Variants in KCNN3 observed in about 807,000 individuals in gnomAD.
KCNN3 encodes potassium calcium-activated channel subfamily N member 3, also known as small conductance calcium-activated potassium channel protein 3.
Under a neutral mutation model 62.9 loss-of-function variants are expected in KCNN3, and 16 were observed. The ratio of observed to expected loss-of-function variants is 0.25; its 90% CI spans 0.17 to 0.39. The LOEUF (loss-of-function observed/expected upper bound fraction) is 0.39. Among genes scored for constraint, KCNN3 ranks in the 10% least tolerant of loss-of-function variants. The probability of loss-of-function intolerance (pLI) is 1.00; values close to 1 mark genes in which losing one functional copy is unlikely to be tolerated. For missense variants in KCNN3, 599 were observed against 949.4 expected (o/e 0.63, Z 4.85); for synonymous variants, 370 against 389.2 (o/e 0.95, Z 0.58).
intron 5 of KCNN3, among the ~76,000 whole-genome samples, chr1:154,724,792 G>GA (rs1230926490): frequency 2.6e-5 from 4 of 151,798 alleles, no homozygotes; most frequent in Non-Finnish European, 4.4e-5. Flanking sequence ...ACCCAAAAGG[G>GA]AAAAATTGGA....
intron 2 of KCNN3, among the ~76,000 whole-genome samples, chr1:154,820,744 A>G (rs933983255): frequency 6.6e-6 from 1 of 152,250 alleles, no homozygotes; most frequent in African/African-American, 2.4e-5. Context: ...TGGCACAGGC[A>G]CAGCCCCTGT....
At chr1:154,780,959 C>G (rs554285239) in intron 2 of KCNN3, among the ~76,000 whole-genome samples, 6 of 152,160 alleles carry the variant, frequency 3.9e-5, no homozygotes, top group African/African-American at 1.4e-4. Context: ...TTGGGGTCCA[C>G]GCTACCCCGC....
intron 5 of KCNN3, among the ~76,000 whole-genome samples, chr1:154,718,353 T>C (rs1333574933): frequency 6.6e-6 from 1 of 152,238 alleles, no homozygotes; most frequent in Non-Finnish European, 1.5e-5. Flanking sequence ...CTAAGATTAA[T>C]GGGCCTGGGC....
At chr1:154,766,803 C>T (rs1032838970) in intron 3 of KCNN3, among the ~76,000 whole-genome samples, 1 of 150,302 alleles carries the variant, frequency 6.7e-6, no homozygotes, top group Non-Finnish European at 1.5e-5. Context: ...TCCCAGCCTC[C>T]CGAGTAGCTG....
At chr1:154,718,411 A>G (rs570276383) in intron 5 of KCNN3, among the ~76,000 whole-genome samples, 2 of 152,372 alleles carry the variant, frequency 1.3e-5, no homozygotes, top group Non-Finnish European at 2.9e-5. Flanking sequence ...GACAGCTAAC[A>G]TATACTGAGT....
At chr1:154,762,119 C>A (rs1238848455) in intron 3 of KCNN3, among the ~76,000 whole-genome samples, 1 of 152,098 alleles carries the variant, frequency 6.6e-6, no homozygotes, top group Non-Finnish European at 1.5e-5. Context: ...ATAAACTGCA[C>A]CATGCAGAAG....
At chr1:154,818,518 C>A (rs755285993) in intron 2 of KCNN3, among the ~76,000 whole-genome samples, 4 of 152,174 alleles carry the variant, frequency 2.6e-5, no homozygotes, top group Non-Finnish European at 5.9e-5. Context: ...GAGATGGGGC[C>A]TTTCAGAGAT....
chr1:154,732,888 T>A, intron 4 of KCNN3, 115 bp downstream of exon 4: 1 of 1,127,534 alleles, frequency 8.9e-7, no homozygotes, highest in East Asian at 2.3e-5. Flanking sequence ...GCAGGTCGGT[T>A]AACTAACAGC....
chr1:154,768,508 C>T (rs1284629130), intron 3 of KCNN3, among the ~76,000 whole-genome samples: 2 of 152,164 alleles, frequency 1.3e-5, no homozygotes, highest in Non-Finnish European at 2.9e-5. Flanking sequence ...GAGGAAGTTC[C>T]CGGATGCAGT....
chr1:154,848,815 A>C (rs1187051394), intron 1 of KCNN3, among the ~76,000 whole-genome samples: 1 of 152,146 alleles, frequency 6.6e-6, no homozygotes, highest in Non-Finnish European at 1.5e-5. Context: ...GCAGGCCCTT[A>C]ACGGGATGCA....
intron 1 of KCNN3, among the ~76,000 whole-genome samples, chr1:154,850,088 C>T (rs919357660): frequency 2.0e-5 from 3 of 152,152 alleles, no homozygotes; most frequent in African/African-American, 7.2e-5. Flanking sequence ...GCCAGGCATC[C>T]GCAGCCCATA....
chr1:154,721,454 C>A (rs958405297), intron 5 of KCNN3, among the ~76,000 whole-genome samples: 1 of 152,024 alleles, frequency 6.6e-6, no homozygotes, highest in East Asian at 1.9e-4. Flanking sequence ...CACCCACCAC[C>A]ATGCCCGGCT....
chr1:154,828,540 CA>C (rs1651239676), intron 1 of KCNN3, among the ~76,000 whole-genome samples: 1 of 152,058 alleles, frequency 6.6e-6, no homozygotes, highest in South Asian at 2.1e-4. Context: ...GATTTGAAAC[CA>C]AAAGGCCAGA....
At chr1:154,787,875 T>G (rs1192737660) in intron 2 of KCNN3, among the ~76,000 whole-genome samples, 1 of 152,164 alleles carries the variant, frequency 6.6e-6, no homozygotes, top group Non-Finnish European at 1.5e-5. Flanking sequence ...TCCCATAGGC[T>G]GACGCTGGCT....
rs1699846752 is a variant in KCNN3, at chr1:154,701,289, G to C, written c.*6687C>G. The C allele has an allele frequency of 6.6e-6, 1 of 152,162 alleles. No individual in the cohort carries two copies. Among genetic ancestry groups the C allele is most frequent in the Admixed American group, 6.5e-5 (1 of 15,278 alleles). 9.4% of individuals were successfully genotyped at this position (152,162 alleles called of 1,614,324 possible). ...ATTTTCAGGGCTTGGGAAGGGAAGA[G>C]ACACATAGGCTCAGTTAATCTGCCC... is the stretch of plus-strand genomic sequence containing the variant. On this transcript the variant is annotated 3_prime_UTR_variant, in exon 8 of 8. Coordinates refer to ENST00000271915, the MANE Select transcript of KCNN3 (RefSeq NM_002249.6).
At chr1:154,765,145 C>T (rs1648201758) in intron 3 of KCNN3, among the ~76,000 whole-genome samples, 1 of 152,158 alleles carries the variant, frequency 6.6e-6, no homozygotes, top group Non-Finnish European at 1.5e-5. Flanking sequence ...GGGGTGGCTC[C>T]TCCTGTCCCC....
In KCNN3 at chr1:154,787,426, G is replaced by A. The variant is rs78294323; in HGVS notation, c.1030-15033C>T. ...AGGTCACTGCGGATCTGGCCTCAGC[G>A]TGCCAGGTACAATGCCAAGACCCGT... On this transcript the variant is annotated intron_variant, in intron 2 of 7. Transcript: ENST00000271915. Among the ~76,000 whole-genome samples the A allele has an allele frequency of 4.6e-3, 708 of 152,346 alleles. 22 individuals are homozygous for A. The highest frequency in any genetic ancestry group is 0.042 in the Admixed American group (642 of 15,304).
At chr1:154,823,083 T>C (rs1650970435) in intron 1 of KCNN3, among the ~76,000 whole-genome samples, 1 of 152,226 alleles carries the variant, frequency 6.6e-6, no homozygotes, top group Non-Finnish European at 1.5e-5. Flanking sequence ...AAGGAGTTAA[T>C]GTATGCAAAG....
At chr1:154,794,025 G>A (rs535938001) in intron 2 of KCNN3, among the ~76,000 whole-genome samples, 4 of 152,314 alleles carry the variant, frequency 2.6e-5, no homozygotes, top group South Asian at 2.1e-4. Context: ...CCTGTTGTGC[G>A]TAGAATGTAG....
Sources: allele counts gnomAD v4.1 joint callset (sites outside exome capture counted in the v4.1 genomes callset), GRCh38; gene constraint gnomAD v4.1.1; transcripts MANE v1.5; gene names NCBI Gene and HGNC (gene_info 2026-07-23, HGNC 2026-07-21).